SLC25A4: variants seen among roughly 807,000 people sequenced by gnomAD.
The protein encoded by SLC25A4 is solute carrier family 25 member 4, also known as ADP/ATP translocase 1.
SLC25A4 carries 10 observed loss-of-function variants against 24.7 expected under a neutral mutation model. That is an observed-to-expected ratio of 0.41 (90% confidence interval 0.25 to 0.69). SLC25A4 has a LOEUF of 0.69. SLC25A4 is among the 30% of genes least tolerant of loss of function. The probability of loss-of-function intolerance (pLI) is 0.35; values close to 1 mark genes in which losing one functional copy is unlikely to be tolerated. For missense variants in SLC25A4, 273 were observed against 387.6 expected (o/e 0.70, Z 2.48); for synonymous variants, 125 against 153.3 (o/e 0.82, Z 1.36).
rs759868483 is a variant in SLC25A4 at position 185,144,745 on chromosome 4, C to A, written c.112-19C>A. ...CTCTACCCTGCCTGTCCTCTGTCAC[C>A]CACCCTCCCCTCCACCAGGTCCAGC... On this transcript the variant is annotated intron_variant, in intron 1 of 3. Coordinates refer to ENST00000281456, the MANE Select transcript of SLC25A4 (RefSeq NM_001151.4). 6.2e-7 allele frequency: 1 copy of A among 1,613,322 alleles called. No homozygotes were observed. Among genetic ancestry groups the A allele is most frequent in the Non-Finnish European group, 8.5e-7 (1 of 1,179,770 alleles).
chr4:185,145,410 T>C lies in SLC25A4; in HGVS notation c.598+160T>C. On this transcript the variant is annotated intron_variant, in intron 2 of 3. Transcript: ENST00000281456. This position sits in a 1 kb window ranked among gnomAD's most constrained non-coding sequence, Gnocchi z 5.5. ...GAGGTGATGTGCATAAGTTAATAGC[T>C]GAAGCGTTCCTTGTGTCCTCTACTG... 9.2e-7 allele frequency: 1 copy of C among 1,088,998 alleles called. No individual in the cohort carries two copies. The highest frequency in any genetic ancestry group is 3.0e-4 in the Middle Eastern group (1 of 3,318). The allele number at this position is 1,088,998 out of a possible 1,614,324, so 67.5% of individuals were successfully genotyped here.
In SLC25A4 at chr4:185,147,233, TAAC is replaced by T. The variant is rs1734458070; in HGVS notation, c.*263_*265del. On this transcript the variant is annotated 3_prime_UTR_variant, in exon 4 of 4. Coordinates refer to ENST00000281456, the MANE Select transcript of SLC25A4 (RefSeq NM_001151.4). ...GTACAATTAACTGAAGAATTGATAA[TAAC>T]TGAATGTGAAACATCAATAAAGACC... The T allele has an allele frequency of 5.0e-6, 2 of 401,174 alleles. No individual in the cohort carries two copies. The highest frequency in any genetic ancestry group is 4.0e-5 in the African/African-American group (2 of 49,928). 24.9% of individuals were successfully genotyped at this position (401,174 alleles called of 1,614,324 possible). A position where few individuals can be genotyped will look rare whatever the true frequency, so the allele number is the denominator to read the frequency against.
At position 185,148,503 on chromosome 4, in the gene SLC25A4, T is replaced by A. The variant is rs1378758621; in HGVS notation, c.*1532T>A. The A allele has an allele frequency of 6.6e-6, 1 of 152,120 alleles. No homozygotes were observed. Among genetic ancestry groups the A allele is most frequent in the East Asian group, 1.9e-4 (1 of 5,200 alleles). The allele number at this position is 152,120 out of a possible 1,614,324, so 9.4% of individuals were successfully genotyped here. A position where few individuals can be genotyped will look rare whatever the true frequency, so the allele number is the denominator to read the frequency against. The stretch of plus-strand genomic sequence containing the variant: ...ACAATTTGTTTAAGACAATACATCT[T>A]GCTTGAGAAGGAATAGAAGGGAAAT... On this transcript the variant is annotated 3_prime_UTR_variant, in exon 4 of 4. Coordinates refer to ENST00000281456, the MANE Select transcript of SLC25A4 (RefSeq NM_001151.4).
At position 185,145,126 on chromosome 4, in the gene SLC25A4, C is replaced by T. The variant is rs1033828852; in HGVS notation, c.474C>T (p.Gly158=). The T allele has an allele frequency of 1.2e-6, 2 of 1,612,492 alleles. No homozygotes were observed. Among genetic ancestry groups the T allele is most frequent in the African/African-American group, 2.7e-5 (2 of 74,972 alleles). Residue 158 remains glycine (G), a synonymous_variant, in exon 2 of 4, where the codon GGC becomes GGT. Transcript: ENST00000281456. The surrounding 1 kb of genome is among the most constrained non-coding windows in gnomAD (Gnocchi z 5.5). The stretch of plus-strand genomic sequence containing the variant: ...CCCAGCGTGAGTTCCATGGTCTGGG[C>T]GACTGTATCATCAAGATCTTCAAGT... ...GAAQREFHGL[G]DCIIKIFKSD...
chr4:185,143,605 GCGCCCGCCCGCCCGCC>G (rs143715129), intron 1 of SLC25A4, 122 bp downstream of exon 1: 160 of 148,378 alleles, frequency 1.1e-3, no homozygotes, highest in African/African-American at 2.6e-3. Flanking sequence ...ACAGGCCCGG[GCGCCCGCCCGCCCGCC>G]CGCCCGCCCG....
rs1314442627 is a variant in SLC25A4 at position 185,150,055 on chromosome 4, C to T, written c.*3084C>T. ...TTGTGTTGAGGCGGCATTTACTAAA[C>T]ACCCCCAAGGTGCAAGGCTGCAAGA... On this transcript the variant is annotated 3_prime_UTR_variant, in exon 4 of 4. Transcript: ENST00000281456. 1 of 152,258 alleles carries T rather than the reference C, an allele frequency of 6.6e-6. No homozygotes were observed. Among genetic ancestry groups the T allele is most frequent in the African/African-American group, 2.4e-5 (1 of 41,468 alleles). 9.4% of individuals were successfully genotyped at this position (152,258 alleles called of 1,614,324 possible).
rs559209892 is a variant in SLC25A4, at chr4:185,150,175, G to A, written c.*3204G>A. 1 of 152,360 alleles carries A rather than the reference G, an allele frequency of 6.6e-6. No individual in the cohort carries two copies. Among genetic ancestry groups the A allele is most frequent in the South Asian group, 2.1e-4 (1 of 4,828 alleles). 9.4% of individuals were successfully genotyped at this position (152,360 alleles called of 1,614,324 possible). A position where few individuals can be genotyped will look rare whatever the true frequency, so the allele number is the denominator to read the frequency against. ...GCAAGTTTCTGCTGAATGGAAGAGTGAGCGAGAAGGGAAAGTGCATCTAAA... is the reference window on the plus strand; with the variant it reads ...GCAAGTTTCTGCTGAATGGAAGAGTAAGCGAGAAGGGAAAGTGCATCTAAA... On this transcript the variant is annotated 3_prime_UTR_variant, in exon 4 of 4. Coordinates refer to ENST00000281456, the MANE Select transcript of SLC25A4 (RefSeq NM_001151.4).
rs1473515556 is a variant in SLC25A4 at position 185,146,838 on chromosome 4, T to C, written c.764T>C (p.Val255Ala). The C allele has an allele frequency of 8.7e-6, 14 of 1,614,110 alleles. No individual in the cohort carries two copies. Among genetic ancestry groups the C allele is most frequent in the East Asian group, 2.2e-5 (1 of 44,904 alleles). The change falls in exon 4 of 4, where the codon GTT becomes GCT. Residue 255 changes from valine (V) to alanine (A), a missense_variant. By Grantham distance (64) the Val-to-Ala change is moderately conservative. Transcript: ENST00000281456. The stretch of plus-strand genomic sequence containing the variant: ...GCCGATATTATGTACACGGGGACAG[T>C]TGACTGCTGGAGGAAGATTGCAAAA... The part of the protein sequence containing the change: ...KGADIMYTGT[V>A]DCWRKIAKDE...
chr4:185,147,035 G>T lies in SLC25A4; in HGVS notation c.*64G>T. ...TGATCTACAAGTTCACAGATCCATTGTGTGGTTTAATAGACTATTCCTAGG... is the reference window on the plus strand; with the variant it reads ...TGATCTACAAGTTCACAGATCCATTTTGTGGTTTAATAGACTATTCCTAGG... On this transcript the variant is annotated 3_prime_UTR_variant, in exon 4 of 4. Transcript: ENST00000281456. 2 of 1,488,324 alleles carry T rather than the reference G, an allele frequency of 1.3e-6. No individual in the cohort carries two copies. Among genetic ancestry groups the T allele is most frequent in the Admixed American group, 3.5e-5 (2 of 56,984 alleles). 92.2% of individuals were successfully genotyped at this position (1,488,324 alleles called of 1,614,324 possible).
rs1734490060 is a variant in SLC25A4 at position 185,148,937 on chromosome 4, TC to T, written c.*1970del. The T allele has an allele frequency of 6.6e-6, 1 of 152,312 alleles. No individual in the cohort carries two copies. Among genetic ancestry groups the T allele is most frequent in the Admixed American group, 6.5e-5 (1 of 15,276 alleles). The allele number at this position is 152,312 out of a possible 1,614,324, so 9.4% of individuals were successfully genotyped here. ...GCCCTTCCACCGACTCACTCCTGCC[TC>T]CCCAGCTAAAAATTGGCTGTGTTGC... is the stretch of plus-strand genomic sequence containing the variant. On this transcript the variant is annotated 3_prime_UTR_variant, in exon 4 of 4. Transcript: ENST00000281456.
In SLC25A4 at chr4:185,145,443, C is replaced by T. The variant is rs747111739; in HGVS notation, c.598+193C>T. The T allele has an allele frequency of 9.4e-6, 8 of 846,644 alleles. No homozygotes were observed. Among genetic ancestry groups the T allele is most frequent in the Non-Finnish European group, 1.4e-5 (8 of 554,200 alleles). 52.4% of individuals were successfully genotyped at this position (846,644 alleles called of 1,614,324 possible). A position where few individuals can be genotyped will look rare whatever the true frequency, so the allele number is the denominator to read the frequency against. On this transcript the variant is annotated intron_variant, in intron 2 of 3. Transcript: ENST00000281456. This position sits in a 1 kb window ranked among gnomAD's most constrained non-coding sequence, Gnocchi z 5.5. ...TCCTTGTGTCCTCTACTGAAATAAACTCTGGCCTTTAGTTATTCAGAGAGG... is the reference window on the plus strand; with the variant it reads ...TCCTTGTGTCCTCTACTGAAATAAATTCTGGCCTTTAGTTATTCAGAGAGG...
At chr4:185,144,053 A>C (rs1560841349) in intron 1 of SLC25A4, among the ~76,000 whole-genome samples, 1 of 152,090 alleles carries the variant, frequency 6.6e-6, no homozygotes, top group African/African-American at 2.4e-5. Flanking sequence ...CCTGTCTCCA[A>C]ATCTTTTCCT....
chr4:185,144,244 C>G (rs572244608), intron 1 of SLC25A4, among the ~76,000 whole-genome samples: 10 of 152,154 alleles, frequency 6.6e-5, no homozygotes, highest in Non-Finnish European at 1.5e-4. Flanking sequence ...GGATTATCTG[C>G]TTGAAAACTT....
At position 185,145,721 on chromosome 4, in the gene SLC25A4, C is replaced by CAA; in HGVS notation, c.599-37_599-36insAA. On this transcript the variant is annotated intron_variant, in intron 2 of 3. Coordinates refer to ENST00000281456, the MANE Select transcript of SLC25A4 (RefSeq NM_001151.4). The surrounding 1 kb of genome is among the most constrained non-coding windows in gnomAD (Gnocchi z 5.5). ...CCACCTGCTTTCTGCTGAGAACAGG[C>CAA]ACTTCATAGCCGTTCGGCTTCTGGG... is the stretch of plus-strand genomic sequence containing the variant. 6.2e-7 allele frequency: 1 copy of CAA among 1,612,968 alleles called. No homozygotes were observed. Among genetic ancestry groups the CAA allele is most frequent in the Non-Finnish European group, 8.5e-7 (1 of 1,179,060 alleles).
In SLC25A4 at chr4:185,146,831, G is replaced by C; in HGVS notation, c.757G>C (p.Gly253Arg). 1 of 1,614,236 alleles carries C rather than the reference G, an allele frequency of 6.2e-7. No individual in the cohort carries two copies. Among genetic ancestry groups the C allele is most frequent in the East Asian group, 2.2e-5 (1 of 44,890 alleles). Residue 253 changes from glycine (G) to arginine (R), a missense_variant, in exon 4 of 4, where the codon GGG becomes CGG. Transcript: ENST00000281456. ...GRKGADIMYT[G>R]TVDCWRKIAK... ...TTCCACAGCCGATATTATGTACACG[G>C]GGACAGTTGACTGCTGGAGGAAGAT...
chr4:185,147,425 T>C lies in SLC25A4; in HGVS notation c.*454T>C. ...GAATGTATTATATGAGAACGTACAA[T>C]GCTTAAAGTTCCGGTTTTCAAACTT... On this transcript the variant is annotated 3_prime_UTR_variant, in exon 4 of 4. Coordinates refer to ENST00000281456, the MANE Select transcript of SLC25A4 (RefSeq NM_001151.4). 5.8e-6 allele frequency: 1 copy of C among 172,676 alleles called. No individual in the cohort carries two copies. The highest frequency in any genetic ancestry group is 1.2e-5 in the Non-Finnish European group (1 of 80,542). The allele number at this position is 172,676 out of a possible 1,614,324, so 10.7% of individuals were successfully genotyped here. A position where few individuals can be genotyped will look rare whatever the true frequency, so the allele number is the denominator to read the frequency against.
rs1040423284 is a variant in SLC25A4 at position 185,149,870 on chromosome 4, G to A, written c.*2899G>A. 1 of 152,048 alleles carries A rather than the reference G, an allele frequency of 6.6e-6. No homozygotes were observed. Among genetic ancestry groups the A allele is most frequent in the African/African-American group, 2.4e-5 (1 of 41,362 alleles). 9.4% of individuals were successfully genotyped at this position (152,048 alleles called of 1,614,324 possible). A position where few individuals can be genotyped will look rare whatever the true frequency, so the allele number is the denominator to read the frequency against. ...ACCTTATTTTGTATTTTAAATGTAT[G>A]AGAAAAATTATGGAGGATGATGCAA... On this transcript the variant is annotated 3_prime_UTR_variant, in exon 4 of 4. Transcript: ENST00000281456.
Position 185,148,790 on chromosome 4 carries a change from C to G in SLC25A4, c.*1819C>G, listed in dbSNP as rs1169189110. 6.6e-6 allele frequency: 1 copy of G among 152,268 alleles called. No homozygotes were observed. The highest frequency in any genetic ancestry group is 2.4e-5 in the African/African-American group (1 of 41,454). The allele number at this position is 152,268 out of a possible 1,614,324, so 9.4% of individuals were successfully genotyped here. ...TGGATTGTGACTAATCTGGAGGAAGCAAGTCCCTGTATCCTTGGCAAAGCT... is the reference window on the plus strand; with the variant it reads ...TGGATTGTGACTAATCTGGAGGAAGGAAGTCCCTGTATCCTTGGCAAAGCT... On this transcript the variant is annotated 3_prime_UTR_variant, in exon 4 of 4. Coordinates refer to ENST00000281456, the MANE Select transcript of SLC25A4 (RefSeq NM_001151.4).
Position 185,145,068 on chromosome 4 carries a change from C to A in SLC25A4, c.416C>A (p.Thr139Asn). 6.2e-7 allele frequency: 1 copy of A among 1,614,020 alleles called. No individual in the cohort carries two copies. The highest frequency in any genetic ancestry group is 8.5e-7 in the Non-Finnish European group (1 of 1,179,916). ...GTCTACCCGCTGGACTTTGCTAGGA[C>A]CAGGTTGGCTGCTGATGTGGGCAAG... The part of the protein sequence containing the change: ...CFVYPLDFAR[T>N]RLAADVGKGA... The change falls in exon 2 of 4, where the codon ACC (threonine) becomes AAC (asparagine). Residue 139 changes from threonine to asparagine, a missense_variant. Thr to Asn is a moderately conservative substitution (Grantham distance 65). Transcript: ENST00000281456. This position sits in a 1 kb window ranked among gnomAD's most constrained non-coding sequence, Gnocchi z 5.5.
Sources: allele counts gnomAD v4.1 joint callset (sites outside exome capture counted in the v4.1 genomes callset), GRCh38; gene constraint gnomAD v4.1.1; non-coding constraint Gnocchi (gnomAD v3.1); transcripts MANE v1.5; gene names NCBI Gene and HGNC (gene_info 2026-07-23, HGNC 2026-07-21).